The following PDXDC1 variants were observed in gnomAD, a reference collection of about 807,000 sequenced individuals.
PDXDC1 encodes the protein pyridoxal-dependent decarboxylase domain-containing protein 1.
Under a neutral mutation model 100.1 loss-of-function variants are expected in PDXDC1, and 42 were observed. The observed-to-expected ratio is 0.42, with a 90% CI of 0.33 to 0.54. PDXDC1 has a LOEUF of 0.54. Ranked by LOEUF, PDXDC1 falls within the 20% of genes least tolerant of loss-of-function variation. PDXDC1 has a pLI of 0.10. For missense variants in PDXDC1, 636 were observed against 979.2 expected (o/e 0.65, Z 4.68); for synonymous variants, 260 against 371.7 (o/e 0.70, Z 3.46).
At chr16:15,081,958 GTCT>G (rs1277450383) in intron 16 of PDXDC1, among the ~76,000 whole-genome samples, 11 of 152,152 alleles carry the variant, frequency 7.2e-5, no homozygotes, top group African/African-American at 2.4e-4. Context: ...GTGTATGTTA[GTCT>G]TCTGTCCCGT....
At chr16:15,067,941 G>A (rs1046073225) in intron 16 of PDXDC1, among the ~76,000 whole-genome samples, 5 of 151,774 alleles carry the variant, frequency 3.3e-5, no homozygotes, top group South Asian at 2.1e-4. Context: ...AAATTTTTTT[G>A]TAGAGATAGG....
intron 16 of PDXDC1, chr16:15,128,496 C>G: frequency 4.3e-6 from 3 of 694,546 alleles, no homozygotes; most frequent in Non-Finnish European, 7.6e-6. Context: ...AGGAGCCACA[C>G]AGGCAGTCCC....
At chr16:15,095,357 T>G (rs910934601) in intron 16 of PDXDC1, among the ~76,000 whole-genome samples, 2 of 151,976 alleles carry the variant, frequency 1.3e-5, no homozygotes, top group African/African-American at 4.8e-5. Context: ...CCAGCCTGGG[T>G]GACACGGTGA....
At chr16:15,028,420 C>T (rs2042791012) in intron 14 of PDXDC1, among the ~76,000 whole-genome samples, 1 of 152,286 alleles carries the variant, frequency 6.6e-6, no homozygotes, top group Admixed American at 6.5e-5. Context: ...GAGTGATTTT[C>T]TTTCTTTATG....
chr16:15,061,722 T>A (rs763635524), intron 16 of PDXDC1: 1 of 1,597,672 alleles, frequency 6.3e-7, no homozygotes, highest in South Asian at 1.1e-5. Context: ...AAATGTCACA[T>A]CTCAGTCACA....
In PDXDC1 at chr16:15,037,909, A is replaced by G. The variant is rs2043589012; in HGVS notation, c.*1634A>G. The G allele has an allele frequency of 6.6e-6, 4 of 607,514 alleles. No homozygotes were observed. The highest frequency in any genetic ancestry group is 1.2e-5 in the Non-Finnish European group (4 of 344,460). 37.6% of individuals were successfully genotyped at this position (607,514 alleles called of 1,614,324 possible). On this transcript the variant is annotated 3_prime_UTR_variant, in exon 23 of 23. Transcript: ENST00000396410. Reference sequence around the variant, plus strand: ...AGTCATTTGATGAAAGTCATTTGAAAGACACTGAGGAGGGAAGGAGGCCTA... The same window carrying G: ...AGTCATTTGATGAAAGTCATTTGAAGGACACTGAGGAGGGAAGGAGGCCTA...
intron 16 of PDXDC1, chr16:15,092,637 C>A (rs751958976): frequency 7.4e-7 from 1 of 1,355,964 alleles, no homozygotes; most frequent in Non-Finnish European, 1.1e-6. Context: ...GATTAACAAG[C>A]TATTAAGTTC....
intron 1 of PDXDC1, among the ~76,000 whole-genome samples, chr16:14,976,433 A>G (rs1268030588): frequency 1.3e-4 from 20 of 152,284 alleles, no homozygotes; most frequent in Non-Finnish European, 2.8e-4. Flanking sequence ...TCACAGTGGT[A>G]TAGCCTACTC....
chr16:15,002,956 T>C (rs1225809805), intron 4 of PDXDC1, among the ~76,000 whole-genome samples: 2 of 152,264 alleles, frequency 1.3e-5, no homozygotes, highest in Non-Finnish European at 2.9e-5. Flanking sequence ...TTAAGACCCA[T>C]TTATATTTCT....
intron 16 of PDXDC1, among the ~76,000 whole-genome samples, chr16:15,088,403 G>A (rs189972287): frequency 7.3e-4 from 111 of 152,202 alleles, no homozygotes; most frequent in Non-Finnish European, 1.2e-3. Flanking sequence ...GGAGGTTGAG[G>A]CTGCAGTGAG....
At chr16:15,150,386 T>TAAATAAATAAAA in the PDXDC1 span, among the ~76,000 whole-genome samples, 5 of 145,774 alleles carry the variant, frequency 3.4e-5, no homozygotes, top group Non-Finnish European at 7.6e-5. Flanking sequence ...AATAAATAAA[T>TAAATAAATAAAA]AAAAGACATC....
intron 16 of PDXDC1, chr16:15,071,273 G>A: frequency 1.3e-6 from 2 of 1,580,864 alleles, no homozygotes; most frequent in Non-Finnish European, 1.7e-6. Context: ...GAGGGCGTCG[G>A]TGTGATCTTT....
chr16:15,047,750 G>C lies in PDXDC1; in HGVS notation c.1399+17694G>C. ...ATGCAGACCAGAAAAAAGGTAAGCG[G>C]AGTCCGCTTCCAACAAGACACCAGG... On this transcript the variant is annotated intron_variant, in intron 16 of 16. Transcript: ENST00000535621. The C allele has an allele frequency of 3.8e-6, 4 of 1,046,070 alleles. No individual in the cohort carries two copies. The Admixed American group carries it at 6.9e-5, about 18-fold the overall frequency. The allele number at this position is 1,046,070 out of a possible 1,614,324, so 64.8% of individuals were successfully genotyped here. A position where few individuals can be genotyped will look rare whatever the true frequency, so the allele number is the denominator to read the frequency against.
chr16:15,008,499 G>T (rs1286742522), intron 6 of PDXDC1, among the ~76,000 whole-genome samples: 1 of 152,198 alleles, frequency 6.6e-6, no homozygotes, highest in African/African-American at 2.4e-5. Context: ...TTGTCAAAGT[G>T]TTTCTGGTAT....
chr16:15,096,547 G>A (rs2046361806), intron 16 of PDXDC1, among the ~76,000 whole-genome samples: 1 of 152,232 alleles, frequency 6.6e-6, no homozygotes. Context: ...CAAGGACAGA[G>A]GAAATAATTG....
At position 15,079,793 on chromosome 16, in the gene PDXDC1, C is replaced by T. The variant is rs538012566; in HGVS notation, c.1399+49737C>T. On this transcript the variant is annotated intron_variant, in intron 16 of 16. Transcript: ENST00000535621. ...TTGTATTTTTATAGAGACGGGGTTT[C>T]GCCATGTTGGCCAGGCTGGTCTCGA... Among the ~76,000 whole-genome samples, 7 of 152,252 alleles carry T rather than the reference C, an allele frequency of 4.6e-5. No individual in the cohort carries two copies. In the East Asian group the frequency reaches 5.8e-4, roughly 13 times the overall value.
At chr16:15,082,012 G>C (rs1796381835) in intron 16 of PDXDC1, among the ~76,000 whole-genome samples, 2 of 152,156 alleles carry the variant, frequency 1.3e-5, no homozygotes, top group South Asian at 4.1e-4. Context: ...AATTTCTTGT[G>C]TGTGTGTAAA....
intron 16 of PDXDC1, among the ~76,000 whole-genome samples, chr16:15,087,292 A>T (rs1178267844): frequency 1.3e-5 from 2 of 152,174 alleles, no homozygotes; most frequent in African/African-American, 4.8e-5. Flanking sequence ...GACACTCCAC[A>T]TATATATCTT....
chr16:15,061,945 C>T (rs753143986), intron 16 of PDXDC1: 1 of 1,565,682 alleles, frequency 6.4e-7, no homozygotes, highest in Non-Finnish European at 8.8e-7. Context: ...ATCACCAGTG[C>T]TGACTGAAAA....
Sources: allele counts gnomAD v4.1 joint callset (sites outside exome capture counted in the v4.1 genomes callset), GRCh38; gene constraint gnomAD v4.1.1; transcripts MANE v1.5; gene names NCBI Gene and HGNC (gene_info 2026-07-23, HGNC 2026-07-21).